Variants in ADGRB3 observed in about 807,000 individuals in gnomAD.
ADGRB3 encodes brain-specific angiogenesis inhibitor 3.
In ADGRB3, 37 loss-of-function variants were observed where a neutral mutation model predicts 193.4. The observed-to-expected ratio is 0.19, with a 90% CI of 0.15 to 0.25. The LOEUF (loss-of-function observed/expected upper bound fraction) is 0.25, where lower values mean the gene tolerates loss of function less well. Among genes scored for constraint, ADGRB3 ranks in the 10% least tolerant of loss-of-function variants. ADGRB3 has a pLI of 1.00. For missense variants in ADGRB3, 1,637 were observed against 1,852.9 expected, an observed-to-expected ratio of 0.88 and a Z score of 2.14; for synonymous variants, 690 against 644.2, an observed-to-expected ratio of 1.07 and a Z score of -1.08.
At chr6:69,331,957 G>C in intron 23 of ADGRB3, 1 of 985,230 alleles carries the variant, frequency 1.0e-6, no homozygotes, top group Non-Finnish European at 1.2e-6. Context: ...TACTTAATAG[G>C]TATGTTTTGC....
chr6:69,365,621 C>T (rs1173447024), intron 29 of ADGRB3, among the ~76,000 whole-genome samples: 2 of 151,998 alleles, frequency 1.3e-5, no homozygotes, highest in African/African-American at 2.4e-5. Context: ...TTACAAAATG[C>T]TTACCCAAAA....
chr6:69,240,856 A>G (rs1045655982), intron 20 of ADGRB3, among the ~76,000 whole-genome samples: 7 of 151,852 alleles, frequency 4.6e-5, no homozygotes, highest in African/African-American at 1.2e-4. Context: ...TTGTCCTTCA[A>G]CCTCCACCCA....
chr6:69,233,494 T>C, intron 18 of ADGRB3, 78 bp downstream of exon 18: 2 of 1,559,252 alleles, frequency 1.3e-6, no homozygotes, highest in Non-Finnish European at 8.7e-7. Context: ...GGAACTGCAT[T>C]TTAAATGGGG....
chr6:69,239,420 C>T (rs937113906), intron 20 of ADGRB3, among the ~76,000 whole-genome samples, 194 bp downstream of exon 20: 3 of 151,858 alleles, frequency 2.0e-5, no homozygotes, highest in African/African-American at 7.3e-5. Flanking sequence ...TGATTTAATT[C>T]CCTGTGGGTT....
intron 3 of ADGRB3, among the ~76,000 whole-genome samples, chr6:68,726,994 A>G (rs1198657707): frequency 6.6e-6 from 1 of 151,528 alleles, no homozygotes; most frequent in African/African-American, 2.4e-5. Flanking sequence ...TCAACTTCAC[A>G]TGGCTTTTTG....
At chr6:69,286,535 A>G (rs1488846316) in intron 20 of ADGRB3, among the ~76,000 whole-genome samples, 1 of 152,198 alleles carries the variant, frequency 6.6e-6, no homozygotes, top group East Asian at 1.9e-4. Context: ...CCAGGCTGGC[A>G]GGTGATGCTA....
chr6:68,983,882 AT>A (rs1479852586), intron 10 of ADGRB3, among the ~76,000 whole-genome samples: 4 of 152,216 alleles, frequency 2.6e-5, no homozygotes, highest in African/African-American at 9.6e-5. Flanking sequence ...TAGAAATAAC[AT>A]TTAATACTGT....
At position 68,782,435 on chromosome 6, in the gene ADGRB3, A is replaced by G. The variant is rs549979050; in HGVS notation, c.757+143003A>G. ...GTGAATAGTGCCGCAATAAACATAC[A>G]TGTGCATGTGTCTTTATAGCTGCAT... On this transcript the variant is annotated intron_variant, in intron 3 of 31. Coordinates refer to ENST00000370598, the MANE Select transcript of ADGRB3 (RefSeq NM_001704.3). 1.1e-3 allele frequency among the ~76,000 whole-genome samples: 172 copies of G among 152,008 alleles called. 1 individual carries two copies. In the Middle Eastern group the frequency reaches 0.024, roughly 21 times the overall value.
intron 26 of ADGRB3, among the ~76,000 whole-genome samples, chr6:69,345,444 A>G (rs1389141863): frequency 6.6e-6 from 1 of 152,200 alleles, no homozygotes; most frequent in Non-Finnish European, 1.5e-5. Context: ...AGTCTGGTTC[A>G]AAATACACAA....
chr6:69,159,159 T>G (rs560954019), intron 17 of ADGRB3, among the ~76,000 whole-genome samples: 49 of 152,162 alleles, frequency 3.2e-4, no homozygotes, highest in Middle Eastern at 6.8e-3. Flanking sequence ...CAGCTCCCTC[T>G]AATATATTTA....
intron 3 of ADGRB3, among the ~76,000 whole-genome samples, chr6:68,775,016 G>C (rs1290800716): frequency 6.6e-6 from 1 of 152,004 alleles, no homozygotes; most frequent in Non-Finnish European, 1.5e-5. Context: ...GACTAACCTA[G>C]GCAGGGCATA....
intron 15 of ADGRB3, among the ~76,000 whole-genome samples, chr6:69,052,926 C>T (rs1338727182): frequency 1.3e-5 from 2 of 152,178 alleles, no homozygotes; most frequent in African/African-American, 4.8e-5. Context: ...TGGCTCACGC[C>T]TGTAATCCCA....
chr6:68,639,207 T>A lies in ADGRB3; in HGVS notation c.532T>A (p.Cys178Ser). The A allele has an allele frequency of 6.2e-7, 1 of 1,614,162 alleles. No homozygotes were observed. The highest frequency in any genetic ancestry group is 8.5e-7 in the Non-Finnish European group (1 of 1,180,016). Residue 178 changes from cysteine (C) to serine (S), a missense_variant, in exon 3 of 32, where the codon TGC (cysteine) becomes AGC (serine). Physicochemically the swap from Cys to Ser is moderately radical, Grantham distance 112 (BLOSUM62 -1). Around this residue, in one of 7 missense-constraint regions of ADGRB3, gnomAD observed 365 missense variants for 409.8 expected, o/e 0.89. Coordinates refer to ENST00000370598, the MANE Select transcript of ADGRB3 (RefSeq NM_001704.3). Reference protein sequence around the residue: ...CHVLCTWLESCLKSENGRTES... With the variant: ...CHVLCTWLESSLKSENGRTES... The stretch of plus-strand genomic sequence containing the variant: ...TGTATTATGTACTTGGTTGGAGAGC[T>A]GCTTAAAATCAGAAAATGGGAGAAC...
chr6:68,870,963 T>C (rs1765439186), intron 3 of ADGRB3, among the ~76,000 whole-genome samples: 1 of 152,200 alleles, frequency 6.6e-6, no homozygotes, highest in African/African-American at 2.4e-5. Context: ...CTTCTGCTTA[T>C]AGAGCCCTAT....
chr6:69,105,750 G>A (rs1367820638), intron 17 of ADGRB3, among the ~76,000 whole-genome samples: 1 of 152,144 alleles, frequency 6.6e-6, no homozygotes, highest in East Asian at 1.9e-4. Flanking sequence ...GGAGTAGCAT[G>A]CCCAAGGCTA....
chr6:69,315,764 T>C (rs1421715080), intron 20 of ADGRB3, among the ~76,000 whole-genome samples: 1 of 151,576 alleles, frequency 6.6e-6, no homozygotes, highest in East Asian at 1.9e-4. Flanking sequence ...TTATTTATTA[T>C]AGGCAAATCA....
At chr6:69,058,577 T>C (rs1771618633) in intron 15 of ADGRB3, among the ~76,000 whole-genome samples, 1 of 152,036 alleles carries the variant, frequency 6.6e-6, no homozygotes, top group Non-Finnish European at 1.5e-5. Flanking sequence ...TGTAGGTGTT[T>C]ACTGCTATAA....
chr6:69,354,464 T>C (rs1769294631), intron 27 of ADGRB3, 136 bp downstream of exon 27: 2 of 691,320 alleles, frequency 2.9e-6, no homozygotes, highest in African/African-American at 1.8e-5. Flanking sequence ...GACTGTGAAC[T>C]CTGGTACCAC....
At chr6:69,007,693 T>TCTCTCACACACA (rs1232770873) in intron 11 of ADGRB3, among the ~76,000 whole-genome samples, 1 of 90,080 alleles carries the variant, frequency 1.1e-5, no homozygotes, top group African/African-American at 4.0e-5. Flanking sequence ...TCTCTCTCTC[T>TCTCTCACACACA]CACACACACA....
Sources: gnomAD v4.1 joint callset for allele counts (sites outside exome capture counted in the v4.1 genomes callset) on GRCh38, gnomAD v4.1.1 for gene constraint, gnomAD v4.1.1 regional missense constraint, MANE v1.5 for transcripts, NCBI Gene and HGNC (gene_info 2026-07-23, HGNC 2026-07-21) for gene names.